The following SLC35F1 variants were observed in gnomAD, a reference collection of about 807,000 sequenced individuals.
The protein encoded by SLC35F1 is chromosome 6 open reading frame 169.
SLC35F1 carries 14 observed loss-of-function variants against 48.7 expected under a neutral mutation model. The observed-to-expected ratio is 0.29, with a 90% CI of 0.19 to 0.45. SLC35F1 has a LOEUF of 0.45. SLC35F1 is among the 20% of genes least tolerant of loss of function. The probability of loss-of-function intolerance (pLI) is 1.00; values close to 1 mark genes in which losing one functional copy is unlikely to be tolerated. For missense variants in SLC35F1, 404 were observed against 500.0 expected, an observed-to-expected ratio of 0.81 and a Z score of 1.83; for synonymous variants, 190 against 202.2, an observed-to-expected ratio of 0.94 and a Z score of 0.51.
At chr6:118,108,073 C>T (rs998965452) in intron 1 of SLC35F1, among the ~76,000 whole-genome samples, 3 of 152,032 alleles carry the variant, frequency 2.0e-5, no homozygotes, top group Admixed American at 6.6e-5. Context: ...TTGGGGCATA[C>T]GATCCATATA....
intron 1 of SLC35F1, among the ~76,000 whole-genome samples, chr6:117,993,970 G>C (rs1327849033): frequency 6.6e-6 from 1 of 152,152 alleles, no homozygotes; most frequent in Non-Finnish European, 1.5e-5. Context: ...GTCTGAGTGG[G>C]CTTAGATGGT....
At chr6:118,139,945 A>G (rs1246920491) in intron 1 of SLC35F1, among the ~76,000 whole-genome samples, 3 of 152,140 alleles carry the variant, frequency 2.0e-5, no homozygotes, top group Non-Finnish European at 4.4e-5. Flanking sequence ...TTTTCGAGTT[A>G]TAGTGTTTAT....
chr6:118,218,881 C>A (rs1428295423), intron 2 of SLC35F1, among the ~76,000 whole-genome samples: 1 of 152,150 alleles, frequency 6.6e-6, no homozygotes, highest in African/African-American at 2.4e-5. Flanking sequence ...AGACAGTGAT[C>A]TTTCAATTCT....
intron 3 of SLC35F1, among the ~76,000 whole-genome samples, chr6:118,259,704 C>A (rs182184892): frequency 0.043 from 6,382 of 147,770 alleles, 405 homozygotes; most frequent in African/African-American, 0.14. Flanking sequence ...TAGCAAAAAT[C>A]AAAAAAAAAA....
chr6:117,907,652 G>A lies in SLC35F1; in HGVS notation c.-75G>A, dbSNP rs1483168326. 5.5e-6 allele frequency: 5 copies of A among 908,152 alleles called. No homozygotes were observed. The highest frequency in any genetic ancestry group is 3.2e-5 in the East Asian group (1 of 31,206). 56.3% of individuals were successfully genotyped at this position (908,152 alleles called of 1,614,324 possible). A position where few individuals can be genotyped will look rare whatever the true frequency, so the allele number is the denominator to read the frequency against. On this transcript the variant is annotated 5_prime_UTR_variant, in exon 1 of 8. Coordinates refer to ENST00000360388, the MANE Select transcript of SLC35F1 (RefSeq NM_001029858.4). ...GGCCGCCCGGCCGGGTCCTCTGCGC[G>A]TTCCCGGGCCCGGAACCGGCACACG...
At chr6:118,253,416 A>T (rs1278745778) in intron 3 of SLC35F1, among the ~76,000 whole-genome samples, 1 of 152,176 alleles carries the variant, frequency 6.6e-6, no homozygotes, top group Non-Finnish European at 1.5e-5. Context: ...GGGAACAGAA[A>T]CCAGATTGCA....
rs1776422686 is a variant in SLC35F1 at position 118,315,513 on chromosome 6, C to T, written c.*1261C>T. ...GGAGTGCGGTGGCACGATCTCAGCT[C>T]ACTGCAACCTCCGCCTCCGGGATTC... On this transcript the variant is annotated 3_prime_UTR_variant, in exon 8 of 8. Transcript: ENST00000360388. The T allele has an allele frequency of 7.0e-6, 1 of 142,996 alleles. No homozygotes were observed. Among genetic ancestry groups the T allele is most frequent in the South Asian group, 2.3e-4 (1 of 4,422 alleles). The allele number at this position is 142,996 out of a possible 1,614,324, so 8.9% of individuals were successfully genotyped here.
chr6:117,934,465 G>A (rs1022794490), intron 1 of SLC35F1, among the ~76,000 whole-genome samples: 13 of 152,032 alleles, frequency 8.6e-5, no homozygotes, highest in Non-Finnish European at 1.5e-4. Context: ...CTTAATAGTC[G>A]CAAAATAGCC....
At chr6:118,000,400 G>A (rs1022027315) in intron 1 of SLC35F1, among the ~76,000 whole-genome samples, 19 of 152,062 alleles carry the variant, frequency 1.2e-4, no homozygotes, top group South Asian at 1.0e-3. Flanking sequence ...ATTCAACAAC[G>A]CTTCATGCTA....
chr6:118,171,506 G>A (rs1774403390), intron 2 of SLC35F1, among the ~76,000 whole-genome samples: 1 of 152,076 alleles, frequency 6.6e-6, no homozygotes. Flanking sequence ...AAAAATAAAT[G>A]CTGAGTCAAC....
intron 1 of SLC35F1, among the ~76,000 whole-genome samples, chr6:118,135,310 G>T (rs1334828): frequency 0.22 from 33,506 of 152,012 alleles, 4,125 homozygotes; most frequent in East Asian, 0.39. Context: ...CATTCTCTGG[G>T]TTATAAACTC....
At chr6:118,111,621 T>C (rs2114383496) in intron 1 of SLC35F1, among the ~76,000 whole-genome samples, 2 of 152,256 alleles carry the variant, frequency 1.3e-5, no homozygotes, top group East Asian at 1.9e-4. Context: ...GAAAATGATA[T>C]AGATCAGAAA....
intron 1 of SLC35F1, among the ~76,000 whole-genome samples, chr6:118,060,880 T>C (rs900318700): frequency 5.9e-5 from 9 of 152,318 alleles, no homozygotes; most frequent in Middle Eastern, 3.4e-3. Context: ...AGTTGCCCAA[T>C]TGAGAGTAGA....
At chr6:118,307,290 G>T (rs1486836751) in intron 7 of SLC35F1, among the ~76,000 whole-genome samples, 2 of 152,122 alleles carry the variant, frequency 1.3e-5, no homozygotes, top group Non-Finnish European at 2.9e-5. Flanking sequence ...AGAGGCAGGG[G>T]TTTGTGGGGG....
intron 1 of SLC35F1, among the ~76,000 whole-genome samples, chr6:117,951,436 G>A (rs4946304): frequency 0.8 from 121,100 of 152,140 alleles, 48,411 homozygotes; most frequent in South Asian, 0.89. Context: ...GTGTGATTTT[G>A]TCTTGCCAAG....
intron 3 of SLC35F1, among the ~76,000 whole-genome samples, chr6:118,238,789 T>G (rs1048056678): frequency 2.0e-5 from 3 of 152,180 alleles, no homozygotes; most frequent in African/African-American, 7.2e-5. Context: ...ATGCTGTGAG[T>G]TAATTGGCTT....
chr6:117,925,697 A>G (rs1458746166), intron 1 of SLC35F1, among the ~76,000 whole-genome samples: 1 of 152,078 alleles, frequency 6.6e-6, no homozygotes, highest in Non-Finnish European at 1.5e-5. Flanking sequence ...CACATCTGTC[A>G]AGGAAGAGCA....
chr6:118,035,400 AG>A (rs1772111163), intron 1 of SLC35F1, among the ~76,000 whole-genome samples: 1 of 151,756 alleles, frequency 6.6e-6, no homozygotes, highest in Admixed American at 6.6e-5. Context: ...TGAGGTCAGG[AG>A]TTCAACACCA....
intron 2 of SLC35F1, among the ~76,000 whole-genome samples, chr6:118,162,815 A>G (rs9489310): frequency 0.23 from 35,359 of 152,118 alleles, 4,473 homozygotes; most frequent in East Asian, 0.37. Flanking sequence ...AAACAATACA[A>G]AACACACACA....
Sources: allele counts gnomAD v4.1 joint callset (sites outside exome capture counted in the v4.1 genomes callset), GRCh38; gene constraint gnomAD v4.1.1; transcripts MANE v1.5; gene names NCBI Gene and HGNC (gene_info 2026-07-23, HGNC 2026-07-21).